The following UBQLN2 variants were observed in gnomAD, a reference collection of about 807,000 sequenced individuals.
UBQLN2 encodes ubiquilin-2.
Under a neutral mutation model 22.2 loss-of-function variants are expected in UBQLN2, and 2 were observed. The observed-to-expected ratio is 0.09, with a 90% CI of 0.04 to 0.28. The LOEUF is 0.28. UBQLN2 is among the 10% of genes least tolerant of loss of function. The pLI is 1.00. For missense variants in UBQLN2, 446 were observed against 505.1 expected, an observed-to-expected ratio of 0.88 and a Z score of 1.12; for synonymous variants, 252 against 206.7, an observed-to-expected ratio of 1.22 and a Z score of -1.88.
chrX:56,565,406 C>T lies in UBQLN2; in HGVS notation c.1533C>T (p.Gly511=), dbSNP rs1185320253. The change falls in exon 1 of 1, where the codon GGC becomes GGT. Residue 511 remains glycine, a synonymous_variant. Coordinates refer to ENST00000338222, the MANE Select transcript of UBQLN2 (RefSeq NM_013444.4). ...IGPIVPFTPI[G]PIGPIGPTGP... is the part of the protein sequence containing the mutation. ...CTATAGTCCCTTTTACCCCCATAGGCCCCATTGGGCCCATAGGACCCACTG... is the reference window on the plus strand; with the variant it reads ...CTATAGTCCCTTTTACCCCCATAGGTCCCATTGGGCCCATAGGACCCACTG... 3.4e-6 allele frequency: 4 copies of T among 1,192,898 alleles called. No homozygotes were observed. The highest frequency in any genetic ancestry group is 4.5e-6 in the Non-Finnish European group (4 of 885,814).
At position 56,566,855 on chromosome X, in the gene UBQLN2, AGT is replaced by A. The variant is rs1375100242; in HGVS notation, c.*1112_*1113del. ...CTTTTAACTGCTATGTATAAAGGAA[AGT>A]GTGTCTTTTGACTTCATCAGTTATT... On this transcript the variant is annotated 3_prime_UTR_variant, in exon 1 of 1. Coordinates refer to ENST00000338222, the MANE Select transcript of UBQLN2 (RefSeq NM_013444.4). The A allele has an allele frequency of 4.0e-4, 49 of 123,146 alleles. No individual in the cohort carries two copies. The highest frequency in any genetic ancestry group is 3.7e-4 in the South Asian group (1 of 2,699). The allele number at this position is 123,146 out of a possible 1,213,427, so 10.1% of individuals were successfully genotyped here.
chrX:56,563,915 C>T lies in UBQLN2; in HGVS notation c.42C>T (p.Ser14=), dbSNP rs999138602. 3.5e-6 allele frequency: 4 copies of T among 1,150,466 alleles called. No homozygotes were observed. In the African/African-American group the frequency reaches 7.1e-5, roughly 21 times the overall value. The allele number at this position is 1,150,466 out of a possible 1,213,427, so 94.8% of individuals were successfully genotyped here. Residue 14 remains serine, a synonymous_variant, in exon 1 of 1, where the codon TCC becomes TCT. Coordinates refer to ENST00000338222, the MANE Select transcript of UBQLN2 (RefSeq NM_013444.4). Reference sequence around the variant, plus strand: ...AGAGCAGCGGCCCCCCGCGCCCCTCCCGCGGCCCTGCTGCGGCCCAAGGCT... The same window carrying T: ...AGAGCAGCGGCCCCCCGCGCCCCTCTCGCGGCCCTGCTGCGGCCCAAGGCT... The part of the protein sequence containing the change: ...NGESSGPPRP[S]RGPAAAQGSA...
Position 56,565,776 on chromosome X carries a change from G to A in UBQLN2, c.*28G>A. The stretch of plus-strand genomic sequence containing the variant: ...ACATTTCTGTACCTGGAAAAAAAAT[G>A]TATCTTATTTTTGATAATGGCTCTT... On this transcript the variant is annotated 3_prime_UTR_variant, in exon 1 of 1. Transcript: ENST00000338222. 8.7e-7 allele frequency: 1 copy of A among 1,148,286 alleles called. No homozygotes were observed. The highest frequency in any genetic ancestry group is 1.2e-6 in the Non-Finnish European group (1 of 848,383). 94.6% of individuals were successfully genotyped at this position (1,148,286 alleles called of 1,213,427 possible).
Position 56,564,484 on chromosome X carries a change from T to G in UBQLN2, c.611T>G (p.Leu204Arg), listed in dbSNP as rs1163086833. Residue 204 changes from leucine to arginine, a missense_variant, in exon 1 of 1, where the codon CTC (leucine) becomes CGC (arginine). Coordinates refer to ENST00000338222, the MANE Select transcript of UBQLN2 (RefSeq NM_013444.4). Reference protein sequence around the residue: ...MLSNPDLMRQLIMANPQMQQL... With the variant: ...MLSNPDLMRQRIMANPQMQQL... ...TCGAATCCCGATCTGATGAGGCAGC[T>G]CATTATGGCTAATCCACAGATGCAG... 1 of 1,211,687 alleles carries G rather than the reference T, an allele frequency of 8.3e-7. No homozygotes were observed. Among genetic ancestry groups the G allele is most frequent in the East Asian group, 3.0e-5 (1 of 33,837 alleles).
rs750337071 is a variant in UBQLN2 at position 56,564,868 on chromosome X, C to T, written c.995C>T (p.Thr332Ile). 4.1e-6 allele frequency: 5 copies of T among 1,209,265 alleles called. No homozygotes were observed. Among genetic ancestry groups the T allele is most frequent in the Non-Finnish European group, 4.5e-6 (4 of 894,973 alleles). The stretch of plus-strand genomic sequence containing the variant: ...CCAGCTACCCAGAGTTCTGCAACTA[C>T]CAGCACGACCACAAGCACTGGTAGT... ...PPPATQSSAT[T>I]STTTSTGSGS... Residue 332 changes from threonine (T) to isoleucine (I), a missense_variant, in exon 1 of 1, where the codon ACC becomes ATC. Thr to Ile is a moderately conservative substitution (Grantham distance 89). Coordinates refer to ENST00000338222, the MANE Select transcript of UBQLN2 (RefSeq NM_013444.4).
At position 56,563,955 on chromosome X, in the gene UBQLN2, G is replaced by C. The variant is rs1459753673; in HGVS notation, c.82G>C (p.Ala28Pro). 27 of 1,161,790 alleles carry C rather than the reference G, an allele frequency of 2.3e-5. No individual in the cohort carries two copies. The highest frequency in any genetic ancestry group is 3.1e-5 in the Non-Finnish European group (27 of 869,167). ...GGCCCAAGGCTCGGCTGCTGCCCCG[G>C]CTGAGCCTAAAATCATCAAAGTCAC... is the stretch of plus-strand genomic sequence containing the variant. Reference protein sequence around the residue: ...AAAQGSAAAPAEPKIIKVTVK... With the variant: ...AAAQGSAAAPPEPKIIKVTVK... The change falls in exon 1 of 1, where the codon GCT becomes CCT. Residue 28 changes from alanine (A) to proline (P), a missense_variant. Ala to Pro is a conservative substitution (Grantham distance 27, BLOSUM62 -1). Coordinates refer to ENST00000338222, the MANE Select transcript of UBQLN2 (RefSeq NM_013444.4).
chrX:56,566,992 G>A lies in UBQLN2; in HGVS notation c.*1244G>A, dbSNP rs1359551626. 2 of 122,417 alleles carry A rather than the reference G, an allele frequency of 1.6e-5. No homozygotes were observed. Among genetic ancestry groups the A allele is most frequent in the African/African-American group, 6.5e-5 (2 of 30,582 alleles). The allele number at this position is 122,417 out of a possible 1,213,427, so 10.1% of individuals were successfully genotyped here. On this transcript the variant is annotated 3_prime_UTR_variant, in exon 1 of 1. Coordinates refer to ENST00000338222, the MANE Select transcript of UBQLN2 (RefSeq NM_013444.4). ...TTTGGCCCTAGGATCGTGTTTAGGA[G>A]GATTATCCCACCCCGAGATTATATA...
Position 56,567,394 on chromosome X carries a change from C to T in UBQLN2, c.*1646C>T, listed in dbSNP as rs983152643. The T allele has an allele frequency of 8.1e-6, 1 of 122,869 alleles. No homozygotes were observed. The highest frequency in any genetic ancestry group is 3.3e-5 in the African/African-American group (1 of 30,745). 10.1% of individuals were successfully genotyped at this position (122,869 alleles called of 1,213,427 possible). A position where few individuals can be genotyped will look rare whatever the true frequency, so the allele number is the denominator to read the frequency against. On this transcript the variant is annotated 3_prime_UTR_variant, in exon 1 of 1. Coordinates refer to ENST00000338222, the MANE Select transcript of UBQLN2 (RefSeq NM_013444.4). ...TTTTACAGTTAATAGATTCTTCCCC[C>T]AAAAATATATTGAGAATTTGGTTGG...
chrX:56,567,275 G>A lies in UBQLN2; in HGVS notation c.*1527G>A, dbSNP rs1356048751. 8.1e-6 allele frequency: 1 copy of A among 122,977 alleles called. No homozygotes were observed. The highest frequency in any genetic ancestry group is 9.5e-5 in the Admixed American group (1 of 10,540). 10.1% of individuals were successfully genotyped at this position (122,977 alleles called of 1,213,427 possible). A position where few individuals can be genotyped will look rare whatever the true frequency, so the allele number is the denominator to read the frequency against. On this transcript the variant is annotated 3_prime_UTR_variant, in exon 1 of 1. Coordinates refer to ENST00000338222, the MANE Select transcript of UBQLN2 (RefSeq NM_013444.4). ...CCAGCCTGTAGATGAGTTAGAAATG[G>A]GACTTTGTATCTTTTAATGTGAGAC...
rs1201012293 is a variant in UBQLN2 at position 56,567,844 on chromosome X, C to T, written c.*2096C>T. On this transcript the variant is annotated 3_prime_UTR_variant, in exon 1 of 1. Transcript: ENST00000338222. Reference sequence around the variant, plus strand: ...TGGGTTAAACATTTTCATAACAGTGCTAAATAATAAAGGTGGCAGTGGCAT... The same window carrying T: ...TGGGTTAAACATTTTCATAACAGTGTTAAATAATAAAGGTGGCAGTGGCAT... The T allele has an allele frequency of 8.2e-6, 1 of 122,015 alleles. No homozygotes were observed. The highest frequency in any genetic ancestry group is 1.9e-5 in the Non-Finnish European group (1 of 52,947). 10.1% of individuals were successfully genotyped at this position (122,015 alleles called of 1,213,427 possible).
Position 56,565,880 on chromosome X carries a change from A to T in UBQLN2, c.*132A>T. The T allele has an allele frequency of 5.8e-6, 4 of 690,238 alleles. No individual in the cohort carries two copies. The highest frequency in any genetic ancestry group is 8.9e-6 in the Non-Finnish European group (4 of 449,430). The allele number at this position is 690,238 out of a possible 1,213,427, so 56.9% of individuals were successfully genotyped here. On this transcript the variant is annotated 3_prime_UTR_variant, in exon 1 of 1. Coordinates refer to ENST00000338222, the MANE Select transcript of UBQLN2 (RefSeq NM_013444.4). Reference sequence around the variant, plus strand: ...AAATCTGTCTAGTTGTAAGTCTAATATGATGCATTTTAAGATGGAGTCCCT... The same window carrying T: ...AAATCTGTCTAGTTGTAAGTCTAATTTGATGCATTTTAAGATGGAGTCCCT...
Position 56,565,774 on chromosome X carries a change from AT to A in UBQLN2, c.*27del. On this transcript the variant is annotated 3_prime_UTR_variant, in exon 1 of 1. Transcript: ENST00000338222. Reference sequence around the variant, plus strand: ...TCACATTTCTGTACCTGGAAAAAAAATGTATCTTATTTTTGATAATGGCTCT... The same window carrying A: ...TCACATTTCTGTACCTGGAAAAAAAAGTATCTTATTTTTGATAATGGCTCT... 1 of 1,152,176 alleles carries A rather than the reference AT, an allele frequency of 8.7e-7. No individual in the cohort carries two copies. The highest frequency in any genetic ancestry group is 1.2e-6 in the Non-Finnish European group (1 of 851,622). 95.0% of individuals were successfully genotyped at this position (1,152,176 alleles called of 1,213,427 possible).
In UBQLN2 at chrX:56,566,847, TAAAGG is replaced by T. The variant is rs2068645170; in HGVS notation, c.*1104_*1108del. 8.1e-6 allele frequency: 1 copy of T among 123,289 alleles called. No individual in the cohort carries two copies. The highest frequency in any genetic ancestry group is 9.4e-5 in the Admixed American group (1 of 10,602). 10.2% of individuals were successfully genotyped at this position (123,289 alleles called of 1,213,427 possible). ...TTGCATTACTTTTAACTGCTATGTA[TAAAGG>T]AAAGTGTGTCTTTTGACTTCATCAG... On this transcript the variant is annotated 3_prime_UTR_variant, in exon 1 of 1. Coordinates refer to ENST00000338222, the MANE Select transcript of UBQLN2 (RefSeq NM_013444.4).
Position 56,564,329 on chromosome X carries a change from A to C in UBQLN2, c.456A>C (p.Ala152=), listed in dbSNP as rs771689082. The C allele has an allele frequency of 8.3e-7, 1 of 1,209,635 alleles. No individual in the cohort carries two copies. The highest frequency in any genetic ancestry group is 1.8e-5 in the African/African-American group (1 of 57,072). Residue 152 remains alanine (A), a synonymous_variant, in exon 1 of 1, where the codon GCA becomes GCC. Transcript: ENST00000338222. Reference sequence around the variant, plus strand: ...GGTTGGGGAGCCTGGGAGGACTTGCAGGCCTTAGCAGCCTGGGCTTGAGCT... The same window carrying C: ...GGTTGGGGAGCCTGGGAGGACTTGCCGGCCTTAGCAGCCTGGGCTTGAGCT... ...PFGLGSLGGL[A]GLSSLGLSST...
chrX:56,563,955 G>T lies in UBQLN2; in HGVS notation c.82G>T (p.Ala28Ser). 8.6e-7 allele frequency: 1 copy of T among 1,163,100 alleles called. No homozygotes were observed. The highest frequency in any genetic ancestry group is 1.9e-5 in the South Asian group (1 of 52,492). The change falls in exon 1 of 1, where the codon GCT becomes TCT. Residue 28 changes from alanine to serine, a missense_variant. Coordinates refer to ENST00000338222, the MANE Select transcript of UBQLN2 (RefSeq NM_013444.4). ...AAAQGSAAAP[A>S]EPKIIKVTVK... ...GGCCCAAGGCTCGGCTGCTGCCCCGGCTGAGCCTAAAATCATCAAAGTCAC... is the reference window on the plus strand; with the variant it reads ...GGCCCAAGGCTCGGCTGCTGCCCCGTCTGAGCCTAAAATCATCAAAGTCAC...
Position 56,563,944 on chromosome X carries a change from C to G in UBQLN2, c.71C>G (p.Ala24Gly). The change falls in exon 1 of 1, where the codon GCT (alanine) becomes GGT (glycine). Residue 24 changes from alanine to glycine, a missense_variant. Coordinates refer to ENST00000338222, the MANE Select transcript of UBQLN2 (RefSeq NM_013444.4). ...SRGPAAAQGS[A>G]AAPAEPKIIK... ...GGCCCTGCTGCGGCCCAAGGCTCGG[C>G]TGCTGCCCCGGCTGAGCCTAAAATC... The G allele has an allele frequency of 8.6e-7, 1 of 1,161,170 alleles. No individual in the cohort carries two copies. Among genetic ancestry groups the G allele is most frequent in the East Asian group, 3.2e-5 (1 of 31,252 alleles).
Position 56,564,875 on chromosome X carries a change from G to T in UBQLN2, c.1002G>T (p.Thr334=). Residue 334 remains threonine (T), a synonymous_variant, in exon 1 of 1, where the codon ACG becomes ACT. Coordinates refer to ENST00000338222, the MANE Select transcript of UBQLN2 (RefSeq NM_013444.4). ...CCCAGAGTTCTGCAACTACCAGCAC[G>T]ACCACAAGCACTGGTAGTGGGTCTG... ...PATQSSATTS[T]TTSTGSGSGN... is the part of the protein sequence containing the mutation. 8.3e-7 allele frequency: 1 copy of T among 1,211,067 alleles called. No homozygotes were observed. Among genetic ancestry groups the T allele is most frequent in the East Asian group, 3.0e-5 (1 of 33,804 alleles).
In UBQLN2 at chrX:56,565,752, C is replaced by T; in HGVS notation, c.*4C>T. 3 of 1,196,253 alleles carry T rather than the reference C, an allele frequency of 2.5e-6. No homozygotes were observed. Among genetic ancestry groups the T allele is most frequent in the Non-Finnish European group, 3.4e-6 (3 of 884,758 alleles). On this transcript the variant is annotated 3_prime_UTR_variant, in exon 1 of 1. Transcript: ENST00000338222. ...GCTGGGCTCCCAGCCATCGTAATCA[C>T]ATTTCTGTACCTGGAAAAAAAATGT... is the stretch of plus-strand genomic sequence containing the variant.
Position 56,563,730 on chromosome X carries a change from T to G in UBQLN2, c.-144T>G. 2.2e-6 allele frequency: 1 copy of G among 448,357 alleles called. No homozygotes were observed. The highest frequency in any genetic ancestry group is 3.9e-5 in the East Asian group (1 of 25,482). The allele number at this position is 448,357 out of a possible 1,213,427, so 36.9% of individuals were successfully genotyped here. A position where few individuals can be genotyped will look rare whatever the true frequency, so the allele number is the denominator to read the frequency against. ...CCGGAGGACCAGGGAACCGCAGTCT[T>G]CATCACAGAGGTACCGTGCTCCGCG... On this transcript the variant is annotated 5_prime_UTR_variant, in exon 1 of 1. Coordinates refer to ENST00000338222, the MANE Select transcript of UBQLN2 (RefSeq NM_013444.4).
Sources: allele counts gnomAD v4.1 joint callset, GRCh38; gene constraint gnomAD v4.1.1; transcripts MANE v1.5; gene names NCBI Gene and HGNC (gene_info 2026-07-23, HGNC 2026-07-21).